SGCZ: variants seen among roughly 807,000 people sequenced by gnomAD.
The protein encoded by SGCZ is zeta-sarcoglycan.
In SGCZ, 40 loss-of-function variants were observed where a neutral mutation model predicts 41.3. That is an observed-to-expected ratio of 0.97 (90% CI 0.75 to 1.26). The LOEUF (loss-of-function observed/expected upper bound fraction) is 1.26. Ranked by LOEUF, SGCZ falls within the 50% of genes most tolerant of loss-of-function variation. The pLI is 0.00. For missense variants in SGCZ, 552 were observed against 369.8 expected (o/e 1.49, Z -4.04); for synonymous variants, 206 against 137.5 (o/e 1.50, Z -3.49).
intron 1 of SGCZ, among the ~76,000 whole-genome samples, chr8:15,140,000 G>T (rs926065444): frequency 2.0e-5 from 3 of 151,868 alleles, no homozygotes; most frequent in Non-Finnish European, 4.4e-5. Flanking sequence ...GGGGGTTGGG[G>T]GGACGGACAC....
At chr8:15,089,094 AC>A (rs1337071866) in intron 1 of SGCZ, among the ~76,000 whole-genome samples, 3 of 152,184 alleles carry the variant, frequency 2.0e-5, no homozygotes, top group Non-Finnish European at 4.4e-5. Flanking sequence ...TGAAAGTCTA[AC>A]GTTAAAATGT....
intron 4 of SGCZ, among the ~76,000 whole-genome samples, chr8:14,237,306 G>A (rs543811386): frequency 6.6e-6 from 1 of 152,208 alleles, no homozygotes; most frequent in South Asian, 2.1e-4. Flanking sequence ...TCATGTGCAA[G>A]AAAATTGGGC....
rs1029668602 is a variant in SGCZ at position 14,759,789 on chromosome 8, G to A, written c.40-204863C>T. ...AAAGGACACCACAATATTTAAACTCGTATTAGTGAGTGTCTGTGATGGTGC... is the reference window on the plus strand; with the variant it reads ...AAAGGACACCACAATATTTAAACTCATATTAGTGAGTGTCTGTGATGGTGC... On this transcript the variant is annotated intron_variant, in intron 1 of 7. Coordinates refer to ENST00000382080, the MANE Select transcript of SGCZ (RefSeq NM_139167.4). Among the ~76,000 whole-genome samples the A allele has an allele frequency of 4.6e-5, 7 of 152,092 alleles. No homozygotes were observed. In the East Asian group the frequency reaches 9.6e-4, roughly 21 times the overall value.
Position 15,071,323 on chromosome 8 carries a change from C to T in SGCZ, c.39+166262G>A, listed in dbSNP as rs142467764. On this transcript the variant is annotated intron_variant, in intron 1 of 7. Coordinates refer to ENST00000382080, the MANE Select transcript of SGCZ (RefSeq NM_139167.4). ...ACAATTAGCATATATTTCCATAAAT[C>T]TTTCAAATAATTAGCTAGATTTCTT... Among the ~76,000 whole-genome samples the T allele has an allele frequency of 3.4e-3, 514 of 152,240 alleles. 2 individuals are homozygous for T. Among genetic ancestry groups the T allele is most frequent in the Middle Eastern group, 6.8e-3 (2 of 294 alleles).
At chr8:15,201,776 T>C (rs1800898809) in intron 1 of SGCZ, among the ~76,000 whole-genome samples, 1 of 152,176 alleles carries the variant, frequency 6.6e-6, no homozygotes, top group Non-Finnish European at 1.5e-5. Context: ...GGTAACATAC[T>C]TGAAAAGCAG....
At chr8:15,009,106 C>A (rs1802727604) in intron 1 of SGCZ, among the ~76,000 whole-genome samples, 1 of 152,060 alleles carries the variant, frequency 6.6e-6, no homozygotes, top group African/African-American at 2.4e-5. Flanking sequence ...TCTCACACTG[C>A]CATAAAGAAA....
chr8:14,443,587 C>A (rs1326412626), intron 2 of SGCZ, among the ~76,000 whole-genome samples: 1 of 152,106 alleles, frequency 6.6e-6, no homozygotes, highest in African/African-American at 2.4e-5. Context: ...AGAAATGGTG[C>A]TGGGAAAACT....
At chr8:14,610,012 T>G (rs73519267) in intron 1 of SGCZ, among the ~76,000 whole-genome samples, 1,941 of 152,268 alleles carry the variant, frequency 0.013, 44 homozygotes, top group African/African-American at 0.045. Flanking sequence ...CGAGGGAGAT[T>G]TCAACTGCTA....
chr8:14,763,791 A>T (rs891531158), intron 1 of SGCZ, among the ~76,000 whole-genome samples: 1 of 152,234 alleles, frequency 6.6e-6, no homozygotes. Flanking sequence ...TAGCCTCTGC[A>T]AAGAAGTCTT....
chr8:15,175,779 T>A (rs1035729142), intron 1 of SGCZ, among the ~76,000 whole-genome samples: 1 of 151,986 alleles, frequency 6.6e-6, no homozygotes, highest in Non-Finnish European at 1.5e-5. Flanking sequence ...GTCAATTAAA[T>A]AAAGGTTGAA....
intron 1 of SGCZ, among the ~76,000 whole-genome samples, chr8:14,657,036 G>C (rs1463575978): frequency 6.6e-6 from 1 of 151,872 alleles, no homozygotes; most frequent in Admixed American, 6.6e-5. Flanking sequence ...AATATGCAGT[G>C]GGGATATTAT....
At chr8:14,456,902 T>C (rs936643660) in intron 2 of SGCZ, among the ~76,000 whole-genome samples, 1 of 152,020 alleles carries the variant, frequency 6.6e-6, no homozygotes, top group Non-Finnish European at 1.5e-5. Context: ...CCAACCACAC[T>C]CTCTCTCTCT....
chr8:15,151,371 T>C (rs1799176226), intron 1 of SGCZ, among the ~76,000 whole-genome samples: 2 of 152,356 alleles, frequency 1.3e-5, no homozygotes. Flanking sequence ...TCTGGAGTCA[T>C]TTGATATGCT....
chr8:14,613,840 A>C (rs1294467654), intron 1 of SGCZ, among the ~76,000 whole-genome samples: 1 of 152,184 alleles, frequency 6.6e-6, no homozygotes, highest in Non-Finnish European at 1.5e-5. Context: ...ATGGCAACCA[A>C]TTCACATTAT....
chr8:14,470,001 G>A (rs1801168882), intron 2 of SGCZ, among the ~76,000 whole-genome samples: 1 of 152,114 alleles, frequency 6.6e-6, no homozygotes, highest in Admixed American at 6.6e-5. Flanking sequence ...ATGGGTTGAT[G>A]GGAACCCCAG....
chr8:15,236,997 C>A (rs1221261579), intron 1 of SGCZ, among the ~76,000 whole-genome samples: 1 of 152,218 alleles, frequency 6.6e-6, no homozygotes, highest in Admixed American at 6.5e-5. Context: ...CTCTCCAGCC[C>A]CTGCACTGCA....
chr8:14,235,547 T>C (rs1261733039), intron 4 of SGCZ, among the ~76,000 whole-genome samples: 2 of 152,212 alleles, frequency 1.3e-5, no homozygotes, highest in Admixed American at 6.5e-5. Flanking sequence ...CTAAATTCTT[T>C]ATTTCCTGCA....
chr8:14,986,048 A>C (rs1801815763), intron 1 of SGCZ, among the ~76,000 whole-genome samples: 1 of 151,774 alleles, frequency 6.6e-6, no homozygotes, highest in African/African-American at 2.4e-5. Flanking sequence ...GTTTGATATT[A>C]TGCATTACAG....
chr8:14,273,111 T>A (rs10107626), intron 3 of SGCZ, among the ~76,000 whole-genome samples: 4,876 of 152,152 alleles, frequency 0.032, 97 homozygotes, highest in African/African-American at 0.053. Flanking sequence ...CACCTAAGTG[T>A]CATCATGAAG....
Sources: allele counts gnomAD v4.1 joint callset (sites outside exome capture counted in the v4.1 genomes callset), GRCh38; gene constraint gnomAD v4.1.1; transcripts MANE v1.5; gene names NCBI Gene and HGNC (gene_info 2026-07-23, HGNC 2026-07-21).